The following BCAS3 variants were observed in gnomAD, a reference collection of about 807,000 sequenced individuals.
BCAS3 encodes the protein BCAS4/BCAS3 fusion.
Under a neutral mutation model 116.1 loss-of-function variants are expected in BCAS3, and 53 were observed. The observed-to-expected ratio is 0.46, with a 90% CI of 0.37 to 0.57. The LOEUF (loss-of-function observed/expected upper bound fraction) is 0.57. Among genes scored for constraint, BCAS3 ranks in the 20% least tolerant of loss-of-function variants. The pLI is 0.00. For missense variants in BCAS3, 917 were observed against 1,165.4 expected, an observed-to-expected ratio of 0.79 and a Z score of 3.10; for synonymous variants, 391 against 408.2, an observed-to-expected ratio of 0.96 and a Z score of 0.51.
chr17:61,093,414 C>CT (rs2073756919), intron 22 of BCAS3, among the ~76,000 whole-genome samples: 1 of 152,044 alleles, frequency 6.6e-6, no homozygotes, highest in Admixed American at 6.6e-5. Flanking sequence ...CAGCAAAACT[C>CT]TGTCTGTACA....
intron 6 of BCAS3, among the ~76,000 whole-genome samples, chr17:60,763,451 A>C (rs2043755439): frequency 6.6e-6 from 1 of 152,210 alleles, no homozygotes; most frequent in Non-Finnish European, 1.5e-5. Context: ...CTATTGAGAT[A>C]ATCATGTGGT....
intron 13 of BCAS3, among the ~76,000 whole-genome samples, chr17:60,932,956 C>T (rs1364646030): frequency 6.6e-6 from 1 of 152,048 alleles, no homozygotes; most frequent in Non-Finnish European, 1.5e-5. Flanking sequence ...GGGCGGATTA[C>T]TTGAGGTTGG....
Position 61,128,366 on chromosome 17 carries a change from A to G in BCAS3, c.2425+43802A>G, listed in dbSNP as rs772567896. The stretch of plus-strand genomic sequence containing the variant: ...AGTTCCTTTCTTATTTGTTTGATGT[A>G]CAGGCTTATTTAAGTGAAAGGTGGG... On this transcript the variant is annotated intron_variant, in intron 22 of 23. Transcript: ENST00000407086. The surrounding 1 kb of genome is among the most constrained non-coding windows in gnomAD (Gnocchi z 4.1). The G allele has an allele frequency of 1.7e-5, 17 of 985,298 alleles. No individual in the cohort carries two copies. The highest frequency in any genetic ancestry group is 2.0e-5 in the Non-Finnish European group (17 of 829,932). 61.0% of individuals were successfully genotyped at this position (985,298 alleles called of 1,614,324 possible).
chr17:60,919,555 G>A (rs1014788226), intron 12 of BCAS3, among the ~76,000 whole-genome samples: 2 of 151,798 alleles, frequency 1.3e-5, no homozygotes, highest in African/African-American at 4.8e-5. Context: ...GATCTCTTGA[G>A]CTCGTGATCT....
At chr17:61,179,663 G>T (rs2079360281) in intron 22 of BCAS3, among the ~76,000 whole-genome samples, 1 of 152,170 alleles carries the variant, frequency 6.6e-6, no homozygotes, top group South Asian at 2.1e-4. Flanking sequence ...TTCAAGCACT[G>T]CAGGGGCTTT....
At chr17:60,861,829 G>T (rs764005626) in intron 7 of BCAS3, among the ~76,000 whole-genome samples, 1 of 152,118 alleles carries the variant, frequency 6.6e-6, no homozygotes, top group African/African-American at 2.4e-5. Flanking sequence ...TGCATCCCAG[G>T]AATAAAGCTT....
rs192531625 is a variant in BCAS3, at chr17:60,943,327, G to T, written c.1088-3892G>T. The stretch of plus-strand genomic sequence containing the variant: ...TTTGATTGAAAGAGAGTGAGCGAGT[G>T]TGAGAGCACCCAACTGTTATCTAAA... On this transcript the variant is annotated intron_variant, in intron 13 of 23. Transcript: ENST00000407086. 6.6e-5 allele frequency among the ~76,000 whole-genome samples: 10 copies of T among 152,210 alleles called. No individual in the cohort carries two copies. The East Asian group carries it at 1.5e-3, about 23-fold the overall frequency.
intron 5 of BCAS3, among the ~76,000 whole-genome samples, chr17:60,710,745 T>TA (rs111514946): frequency 0.099 from 14,996 of 151,088 alleles, 2,284 homozygotes; most frequent in African/African-American, 0.33. Context: ...TTTTTTAAGT[T>TA]AAAAAAATGT....
Position 60,874,750 on chromosome 17 carries a change from T to C in BCAS3, c.661+12T>C. On this transcript the variant is annotated intron_variant, in intron 9 of 23. Coordinates refer to ENST00000407086, the MANE Select transcript of BCAS3 (RefSeq NM_017679.5). ...ATTCTTTGTTACAAGTATGTACCAA[T>C]TTTTTTTCCCTTCTTATGCCTTTGG... The C allele has an allele frequency of 1.3e-6, 2 of 1,576,820 alleles. No homozygotes were observed. The highest frequency in any genetic ancestry group is 2.3e-5 in the East Asian group (1 of 44,094).
intron 22 of BCAS3, among the ~76,000 whole-genome samples, chr17:61,165,091 C>T (rs958479475): frequency 2.6e-5 from 4 of 152,238 alleles, no homozygotes; most frequent in African/African-American, 7.2e-5. Context: ...CAAGCAGTAA[C>T]AGTTTCTATC....
chr17:60,755,663 G>A (rs2042926180), intron 6 of BCAS3, among the ~76,000 whole-genome samples: 2 of 152,064 alleles, frequency 1.3e-5, no homozygotes, highest in Non-Finnish European at 2.9e-5. Flanking sequence ...TATTAGTTGA[G>A]CATTTTCCTG....
chr17:61,252,781 T>TA (rs1416287835), intron 22 of BCAS3, among the ~76,000 whole-genome samples: 1 of 152,138 alleles, frequency 6.6e-6, no homozygotes, highest in Non-Finnish European at 1.5e-5. Flanking sequence ...TGTCAGCTCT[T>TA]AGTCTGCTAA....
In BCAS3 at chr17:61,361,788, G is replaced by A. The variant is rs1050422879; in HGVS notation, c.2426-6539G>A. The A allele has an allele frequency of 5.3e-5, 8 of 152,198 alleles. No individual in the cohort carries two copies. Among genetic ancestry groups the A allele is most frequent in the African/African-American group, 1.9e-4 (8 of 41,456 alleles). The allele number at this position is 152,198 out of a possible 1,614,324, so 9.4% of individuals were successfully genotyped here. ...GTATATAACCAGGGGAGCTGATGGT[G>A]TAAGTCCCGGTCCAAGTTCAAAGGC... On this transcript the variant is annotated intron_variant, in intron 22 of 23. Transcript: ENST00000407086. This position sits in a 1 kb window ranked among gnomAD's most constrained non-coding sequence, Gnocchi z 6.5.
chr17:60,935,304 TACA>T (rs1249977944), intron 13 of BCAS3, among the ~76,000 whole-genome samples: 11 of 152,234 alleles, frequency 7.2e-5, no homozygotes, highest in East Asian at 5.8e-4. Context: ...GTTTTAAGAG[TACA>T]ACAATGTAAA....
intron 7 of BCAS3, among the ~76,000 whole-genome samples, chr17:60,834,414 G>A (rs2051194822): frequency 6.6e-6 from 1 of 151,986 alleles, no homozygotes; most frequent in African/African-American, 2.4e-5. Flanking sequence ...TAGACTTTAA[G>A]CATAATCTAT....
At chr17:60,845,269 C>A (rs1216855269) in intron 7 of BCAS3, among the ~76,000 whole-genome samples, 1 of 152,114 alleles carries the variant, frequency 6.6e-6, no homozygotes, top group Non-Finnish European at 1.5e-5. Context: ...CAAACAAAAA[C>A]CTGAGTCCAT....
rs111536564 is a variant in BCAS3, at chr17:60,971,693, TA to T, written c.1222-18274del. Among the ~76,000 whole-genome samples the T allele has an allele frequency of 2.8e-3, 429 of 152,294 alleles. 1 individual carries two copies. The highest frequency in any genetic ancestry group is 9.7e-3 in the African/African-American group (405 of 41,564). ...CAGTGGCATGCTTCTGACAGTGGAA[TA>T]AAAGATAAAGTGGCTGTAATACCCA... is the stretch of plus-strand genomic sequence containing the variant. On this transcript the variant is annotated intron_variant, in intron 14 of 23. Transcript: ENST00000407086.
rs1360176506 is a variant in BCAS3, at chr17:61,188,467, T to A, written c.2425+103903T>A. ...ATGGACCACAAGTCTGGGAGGCAAG[T>A]GGATTTTAGGTGTTTTATATCAAAG... On this transcript the variant is annotated intron_variant, in intron 22 of 23. Coordinates refer to ENST00000407086, the MANE Select transcript of BCAS3 (RefSeq NM_017679.5). This position sits in a 1 kb window ranked among gnomAD's most constrained non-coding sequence, Gnocchi z 4.0. Among the ~76,000 whole-genome samples the A allele has an allele frequency of 3.3e-5, 5 of 152,222 alleles. No homozygotes were observed. Among genetic ancestry groups the A allele is most frequent in the Non-Finnish European group, 5.9e-5 (4 of 68,032 alleles).
intron 5 of BCAS3, among the ~76,000 whole-genome samples, chr17:60,739,665 T>C (rs2041333667): frequency 6.6e-6 from 1 of 152,158 alleles, no homozygotes; most frequent in East Asian, 1.9e-4. Flanking sequence ...CCTTCACTTA[T>C]TCTTCTCTGT....
Sources: allele counts gnomAD v4.1 joint callset (sites outside exome capture counted in the v4.1 genomes callset), GRCh38; gene constraint gnomAD v4.1.1; non-coding constraint Gnocchi (gnomAD v3.1); transcripts MANE v1.5; gene names NCBI Gene and HGNC (gene_info 2026-07-23, HGNC 2026-07-21).